RNF6: variants seen among roughly 807,000 people sequenced by gnomAD.
RNF6 encodes ring finger protein 6, also known as E3 ubiquitin-protein ligase RNF6.
Under a neutral mutation model 50.1 loss-of-function variants are expected in RNF6, and 21 were observed. That is an observed-to-expected ratio of 0.42 (90% confidence interval 0.30 to 0.60). The LOEUF is 0.60. Among genes scored for constraint, RNF6 ranks in the 20% least tolerant of loss-of-function variants. The pLI is 0.20. For missense variants in RNF6, 698 were observed against 838.2 expected (o/e 0.83, Z 2.07); for synonymous variants, 255 against 291.8 (o/e 0.87, Z 1.29).
intron 5 of RNF6, among the ~76,000 whole-genome samples, chr13:26,182,949 T>C (rs747232779): frequency 3.3e-5 from 5 of 152,254 alleles, no homozygotes; most frequent in African/African-American, 9.6e-5. Flanking sequence ...TGAGTTAGCA[T>C]GCGGGCTTTG....
At chr13:26,132,766 G>A (rs1870457877) in intron 5 of RNF6, among the ~76,000 whole-genome samples, 1 of 152,208 alleles carries the variant, frequency 6.6e-6, no homozygotes. Context: ...ATTTATGTAT[G>A]TAGCTGATGA....
At chr13:26,167,246 C>A (rs1872496242) in intron 5 of RNF6, among the ~76,000 whole-genome samples, 3 of 152,122 alleles carry the variant, frequency 2.0e-5, no homozygotes, top group Non-Finnish European at 2.9e-5. Flanking sequence ...GCAAAGGAAC[C>A]TATCTAGAGT....
At chr13:26,159,110 G>A (rs1872081036) in intron 5 of RNF6, among the ~76,000 whole-genome samples, 1 of 149,926 alleles carries the variant, frequency 6.7e-6, no homozygotes, top group African/African-American at 2.5e-5. Flanking sequence ...ACAAAAAATT[G>A]CTAAGAACTT....
intron 5 of RNF6, among the ~76,000 whole-genome samples, chr13:26,133,368 T>G (rs1221774783): frequency 6.6e-6 from 1 of 152,136 alleles, no homozygotes. Flanking sequence ...GAATCTACAG[T>G]TTGTGTTTTT....
At chr13:26,137,670 A>C in intron 5 of RNF6, among the ~76,000 whole-genome samples, 1 of 151,456 alleles carries the variant, frequency 6.6e-6, no homozygotes. Context: ...AAAAAAAACA[A>C]ATAGAAACTC....
chr13:26,197,839 C>T (rs1468068909), intron 5 of RNF6, among the ~76,000 whole-genome samples: 3 of 151,808 alleles, frequency 2.0e-5, no homozygotes, highest in Non-Finnish European at 4.4e-5. Flanking sequence ...TCCTGGCTAA[C>T]ATGGTGAAAC....
intron 5 of RNF6, among the ~76,000 whole-genome samples, chr13:26,195,833 A>G (rs1340362899): frequency 1.3e-5 from 2 of 152,084 alleles, no homozygotes; most frequent in Non-Finnish European, 2.9e-5. Flanking sequence ...TTTACACAAG[A>G]CTGCATATTT....
chr13:26,195,004 TCAATC>T (rs1368792861), intron 5 of RNF6, among the ~76,000 whole-genome samples: 1 of 152,160 alleles, frequency 6.6e-6, no homozygotes, highest in Non-Finnish European at 1.5e-5. Flanking sequence ...TTTGCATCCT[TCAATC>T]CAATCAAGAT....
At chr13:26,184,283 G>A (rs1178530366) in intron 5 of RNF6, among the ~76,000 whole-genome samples, 1 of 151,722 alleles carries the variant, frequency 6.6e-6, no homozygotes, top group African/African-American at 2.4e-5. Flanking sequence ...CGCCCGTCTC[G>A]GCCTCCCAAA....
intron 5 of RNF6, among the ~76,000 whole-genome samples, chr13:26,175,491 C>T (rs1872912330): frequency 6.6e-6 from 1 of 152,206 alleles, no homozygotes; most frequent in Admixed American, 6.5e-5. Flanking sequence ...AGATGACCTA[C>T]TGGGTACCTG....
chr13:26,171,209 CA>C (rs1872682354), intron 5 of RNF6, among the ~76,000 whole-genome samples: 1 of 151,910 alleles, frequency 6.6e-6, no homozygotes, highest in African/African-American at 2.4e-5. Context: ...CTAAACAATC[CA>C]ATTCAAAAAT....
In RNF6 at chr13:26,214,075, T is replaced by C. The variant is rs1194975776; in HGVS notation, c.1807A>G (p.Ile603Val). The change falls in exon 5 of 5, where the codon ATA (isoleucine) becomes GTA (valine). Residue 603 changes from isoleucine to valine, a missense_variant. Ile to Val is a conservative substitution (Grantham distance 29). Transcript: ENST00000381588. ...ATCTGCTCTTTGGTTAAACCACGTATTCGATCATCATCATCACTTTCATTT... is the reference window on the plus strand; with the variant it reads ...ATCTGCTCTTTGGTTAAACCACGTACTCGATCATCATCATCACTTTCATTT... ...LLNESDDDDR[I>V]RGLTKEQIDN... The C allele has an allele frequency of 3.1e-6, 5 of 1,614,190 alleles. No individual in the cohort carries two copies. Among genetic ancestry groups the C allele is most frequent in the Non-Finnish European group, 4.2e-6 (5 of 1,180,034 alleles).
chr13:26,151,406 G>A (rs1218931549), intron 5 of RNF6, among the ~76,000 whole-genome samples: 1 of 152,022 alleles, frequency 6.6e-6, no homozygotes, highest in Non-Finnish European at 1.5e-5. Flanking sequence ...GGGATTACAG[G>A]TGCATGCCAC....
intron 5 of RNF6, among the ~76,000 whole-genome samples, chr13:26,167,140 A>T (rs1872490495): frequency 6.6e-6 from 1 of 152,228 alleles, no homozygotes; most frequent in Non-Finnish European, 1.5e-5. Context: ...GGACATAGGA[A>T]CTGGCAAAGA....
At chr13:26,165,426 T>G (rs1478996062) in intron 5 of RNF6, among the ~76,000 whole-genome samples, 3 of 152,210 alleles carry the variant, frequency 2.0e-5, no homozygotes, top group Admixed American at 6.5e-5. Context: ...GAGTCTCTAC[T>G]GCGGCACTGC....
intron 5 of RNF6, among the ~76,000 whole-genome samples, chr13:26,181,269 C>T (rs12430355): frequency 0.38 from 57,001 of 151,928 alleles, 11,785 homozygotes; most frequent in East Asian, 0.7. Flanking sequence ...CTGCAGAGCA[C>T]CTCCAGGATG....
Position 26,214,641 on chromosome 13 carries a change from C to G in RNF6, c.1241G>C (p.Arg414Pro), listed in dbSNP as rs142805604. 8.7e-5 allele frequency: 140 copies of G among 1,614,032 alleles called. No individual in the cohort carries two copies. Among genetic ancestry groups the G allele is most frequent in the Non-Finnish European group, 1.2e-4 (137 of 1,180,020 alleles). Residue 414 changes from arginine to proline, a missense_variant, in exon 5 of 5, where the codon CGG becomes CCG. Arg to Pro is a moderately radical substitution (Grantham distance 103). Transcript: ENST00000381588. ...RRIRPGENRD[R>P]DSIANRTRSR... is the part of the protein sequence containing the mutation. ...TCGAGTTCTATTTGCAATACTATCCCGATCTCTATTTTCTCCAGGACGGAT... is the reference window on the plus strand; with the variant it reads ...TCGAGTTCTATTTGCAATACTATCCGGATCTCTATTTTCTCCAGGACGGAT...
At chr13:26,138,515 T>C (rs1388024073) in intron 5 of RNF6, among the ~76,000 whole-genome samples, 1 of 152,116 alleles carries the variant, frequency 6.6e-6, no homozygotes, top group Admixed American at 6.6e-5. Context: ...AATTTGAAAG[T>C]CAAATGCATA....
intron 2 of RNF6, among the ~76,000 whole-genome samples, chr13:26,220,750 C>T (rs950245065): frequency 1.3e-5 from 2 of 152,204 alleles, no homozygotes; most frequent in Non-Finnish European, 1.5e-5. Context: ...AGTAATACAG[C>T]ACCTGACTCA....
Sources: allele counts gnomAD v4.1 joint callset (sites outside exome capture counted in the v4.1 genomes callset), GRCh38; gene constraint gnomAD v4.1.1; transcripts MANE v1.5; gene names NCBI Gene and HGNC (gene_info 2026-07-23, HGNC 2026-07-21).